Variants in PDE9A observed in about 807,000 individuals in gnomAD.
PDE9A encodes the protein phosphodiesterase 9A.
In PDE9A, 60 loss-of-function variants were observed where a neutral mutation model predicts 87.4. The observed-to-expected ratio is 0.69, with a 90% confidence interval of 0.56 to 0.85. PDE9A has a LOEUF of 0.85. Ranked by LOEUF, PDE9A falls within the 40% of genes least tolerant of loss-of-function variation. The pLI, the probability that PDE9A is intolerant of heterozygous loss-of-function variation, is 0.00. For missense variants in PDE9A, 665 were observed against 779.0 expected, an observed-to-expected ratio of 0.85 and a Z score of 1.74; for synonymous variants, 272 against 279.4, an observed-to-expected ratio of 0.97 and a Z score of 0.27.
intron 5 of PDE9A, 54 bp downstream of exon 5, chr21:42,732,003 G>T (rs571452504): frequency 3.7e-6 from 6 of 1,611,550 alleles, no homozygotes; most frequent in African/African-American, 1.3e-5. Context: ...TGGGATTCGG[G>T]CTGCAATGGC....
In PDE9A at chr21:42,692,703, C is replaced by T. The variant is rs899440228; in HGVS notation, c.218+4709C>T. Among the ~76,000 whole-genome samples the T allele has an allele frequency of 6.6e-6, 1 of 152,156 alleles. No homozygotes were observed. The highest frequency in any genetic ancestry group is 1.5e-5 in the Non-Finnish European group (1 of 68,026). ...TCTTCTGACCCAGGGGCTTTTCTCT[C>T]CCGCTTCCGTCCCTCTTCCCTCGCC... On this transcript the variant is annotated intron_variant, in intron 3 of 19. Coordinates refer to ENST00000291539, the MANE Select transcript of PDE9A (RefSeq NM_002606.3). The surrounding 1 kb of genome is among the most constrained non-coding windows in gnomAD (Gnocchi z 4.3).
chr21:42,743,738 C>A (rs375275831), intron 7 of PDE9A, 38 bp from the exon 8 acceptor site: 1 of 1,332,746 alleles, frequency 7.5e-7, no homozygotes, highest in South Asian at 1.2e-5. Flanking sequence ...CACATTCGTC[C>A]GTGGTAACCC....
At chr21:42,733,207 T>C in intron 6 of PDE9A, 149 bp from the exon 7 acceptor site, 1 of 619,146 alleles carries the variant, frequency 1.6e-6, no homozygotes, top group African/African-American at 1.8e-5. Context: ...AAGCAAGTCC[T>C]AGCATGTTGG....
intron 4 of PDE9A, among the ~76,000 whole-genome samples, chr21:42,709,716 C>T (rs1015878436): frequency 2.6e-5 from 4 of 152,142 alleles, no homozygotes; most frequent in East Asian, 1.9e-4. Flanking sequence ...CAGGGTCTCA[C>T]GCCTGTTGCC....
At chr21:42,738,156 T>C (rs71320555) in intron 7 of PDE9A, among the ~76,000 whole-genome samples, 141 of 152,326 alleles carry the variant, frequency 9.3e-4, no homozygotes, top group Non-Finnish European at 1.6e-3. Flanking sequence ...TTTGTCCCTG[T>C]GCTCTGGGCT....
Position 42,689,376 on chromosome 21 carries a change from G to A in PDE9A, c.218+1382G>A, listed in dbSNP as rs146413728. On this transcript the variant is annotated intron_variant, in intron 3 of 19. Coordinates refer to ENST00000291539, the MANE Select transcript of PDE9A (RefSeq NM_002606.3). ...CTCTTGGCTTCCAGACTCCCCGGAA[G>A]GTGCAGTGCTAATTGGCTCCCCAGA... 574 of 199,384 alleles carry A rather than the reference G, an allele frequency of 2.9e-3. 2 individuals are homozygous for A. The highest frequency in any genetic ancestry group is 7.7e-3 in the Middle Eastern group (3 of 392). 12.4% of individuals were successfully genotyped at this position (199,384 alleles called of 1,614,324 possible).
intron 1 of PDE9A, among the ~76,000 whole-genome samples, chr21:42,680,371 G>C (rs368926323): frequency 6.6e-6 from 1 of 152,282 alleles, no homozygotes; most frequent in Non-Finnish European, 1.5e-5. Flanking sequence ...CAAGGCATGC[G>C]CAGGACAGCT....
In PDE9A at chr21:42,760,468, C is replaced by G. The variant is rs201867397; in HGVS notation, c.1002+36C>G. Reference sequence around the variant, plus strand: ...CCCGCTGCACACCCAGACCTCTACTCTCGGGGGTCAGACGGAGGCCCCCTT... The same window carrying G: ...CCCGCTGCACACCCAGACCTCTACTGTCGGGGGTCAGACGGAGGCCCCCTT... On this transcript the variant is annotated intron_variant, in intron 12 of 19. Transcript: ENST00000291539. This position sits in a 1 kb window ranked among gnomAD's most constrained non-coding sequence, Gnocchi z 5.2. 1,741 of 1,298,090 alleles carry G rather than the reference C, an allele frequency of 1.3e-3. 32 individuals are homozygous for G. The Admixed American group carries it at 0.028, about 21-fold the overall frequency. The allele number at this position is 1,298,090 out of a possible 1,614,324, so 80.4% of individuals were successfully genotyped here. A position where few individuals can be genotyped will look rare whatever the true frequency, so the allele number is the denominator to read the frequency against.
At position 42,698,977 on chromosome 21, in the gene PDE9A, C is replaced by T. The variant is rs750348998; in HGVS notation, c.228C>T (p.Tyr76=). ...GTCTTCTCTTTTGCAGCACTCCGTA[C>T]AAAGTGAGACCTGTGGCCATCAAGC... is the stretch of plus-strand genomic sequence containing the variant. ...TMPANSERTP[Y]KVRPVAIKQL... is the part of the protein sequence containing the mutation. Residue 76 remains tyrosine, a synonymous_variant, in exon 4 of 20, where the codon TAC becomes TAT. Transcript: ENST00000291539. 1 of 1,612,980 alleles carries T rather than the reference C, an allele frequency of 6.2e-7. No homozygotes were observed. The highest frequency in any genetic ancestry group is 8.5e-7 in the Non-Finnish European group (1 of 1,178,976).
chr21:42,751,091 G>A (rs1462825265), intron 8 of PDE9A, 25 bp from the exon 9 acceptor site: 2 of 1,482,500 alleles, frequency 1.3e-6, no homozygotes, highest in Admixed American at 3.3e-5. Flanking sequence ...CAGGACCACA[G>A]CTCATCTCTG....
chr21:42,733,253 G>A lies in PDE9A; in HGVS notation c.498-103G>A. ...CCTCACCAGCCCACCTAGAGGCCTT[G>A]CCCATGCCCACAGCAGGGACTCAGT... is the stretch of plus-strand genomic sequence containing the variant. On this transcript the variant is annotated intron_variant, in intron 6 of 19. Coordinates refer to ENST00000291539, the MANE Select transcript of PDE9A (RefSeq NM_002606.3). 1.5e-5 allele frequency: 11 copies of A among 713,014 alleles called. No individual in the cohort carries two copies. In the South Asian group the frequency reaches 1.7e-4, roughly 11 times the overall value. The allele number at this position is 713,014 out of a possible 1,614,324, so 44.2% of individuals were successfully genotyped here.
intron 1 of PDE9A, among the ~76,000 whole-genome samples, chr21:42,661,919 G>C (rs1270690830): frequency 4.6e-5 from 7 of 152,176 alleles, no homozygotes; most frequent in Non-Finnish European, 7.4e-5. Flanking sequence ...CCGCTCCACG[G>C]AGCTCAGCTA....
At chr21:42,658,405 C>T (rs2057249864) in intron 1 of PDE9A, among the ~76,000 whole-genome samples, 1 of 152,216 alleles carries the variant, frequency 6.6e-6, no homozygotes, top group Admixed American at 6.5e-5. Flanking sequence ...GCTGCTGTTT[C>T]CCCCAGCTCC....
chr21:42,763,124 T>C (rs969499980), intron 14 of PDE9A, among the ~76,000 whole-genome samples: 6 of 152,102 alleles, frequency 3.9e-5, no homozygotes, highest in Non-Finnish European at 8.8e-5. Flanking sequence ...CTCACCGAAA[T>C]AACGCCCCAT....
intron 1 of PDE9A, among the ~76,000 whole-genome samples, chr21:42,654,381 G>C (rs2145738547): frequency 6.6e-6 from 1 of 152,292 alleles, no homozygotes; most frequent in Non-Finnish European, 1.5e-5. Context: ...GAGAGCCTGG[G>C]GGGCAGCGGG....
rs1184032385 is a variant in PDE9A, at chr21:42,733,498, GGGA to G, written c.568+77_568+79del. Reference sequence around the variant, plus strand: ...CTATTCAAATTAACCACTTGGAACGGGGAGGAGTTCAGTGCCGAAGGTAAATAC... The same window carrying G: ...CTATTCAAATTAACCACTTGGAACGGGGAGTTCAGTGCCGAAGGTAAATAC... On this transcript the variant is annotated intron_variant, in intron 7 of 19. Transcript: ENST00000291539. 4 of 872,748 alleles carry G rather than the reference GGGA, an allele frequency of 4.6e-6. No individual in the cohort carries two copies. In the East Asian group the frequency reaches 9.7e-5, roughly 21 times the overall value. The allele number at this position is 872,748 out of a possible 1,614,324, so 54.1% of individuals were successfully genotyped here. A position where few individuals can be genotyped will look rare whatever the true frequency, so the allele number is the denominator to read the frequency against.
At chr21:42,742,607 A>G (rs2053432358) in intron 7 of PDE9A, among the ~76,000 whole-genome samples, 1 of 151,870 alleles carries the variant, frequency 6.6e-6, no homozygotes, top group Non-Finnish European at 1.5e-5. Context: ...CTGGGACTAC[A>G]GGCACTGGCA....
At chr21:42,700,182 G>A (rs1406403830) in intron 4 of PDE9A, among the ~76,000 whole-genome samples, 2 of 151,982 alleles carry the variant, frequency 1.3e-5, no homozygotes, top group Non-Finnish European at 2.9e-5. Context: ...TGTGTGTAGA[G>A]ACAGTTCATG....
At chr21:42,742,745 G>A (rs1019148462) in intron 7 of PDE9A, among the ~76,000 whole-genome samples, 4 of 152,040 alleles carry the variant, frequency 2.6e-5, no homozygotes, top group African/African-American at 9.7e-5. Flanking sequence ...GATTACAGGC[G>A]TGAGCCACTG....
Sources: allele counts gnomAD v4.1 joint callset (sites outside exome capture counted in the v4.1 genomes callset), GRCh38; gene constraint gnomAD v4.1.1; non-coding constraint Gnocchi (gnomAD v3.1); transcripts MANE v1.5; gene names NCBI Gene and HGNC (gene_info 2026-07-23, HGNC 2026-07-21).